DMD: variants seen among roughly 807,000 people sequenced by gnomAD.
DMD encodes dystrophin.
In DMD, 63 loss-of-function variants were observed where a neutral mutation model predicts 330.1. The ratio of observed to expected loss-of-function variants is 0.19; its 90% CI spans 0.16 to 0.24. The LOEUF (loss-of-function observed/expected upper bound fraction) is 0.24, where lower values mean the gene tolerates loss of function less well. Ranked by LOEUF, DMD falls within the 10% of genes least tolerant of loss-of-function variation. The probability of loss-of-function intolerance (pLI) is 1.00; values close to 1 mark genes in which losing one functional copy is unlikely to be tolerated. For synonymous variants in DMD, 1,223 were observed against 959.8 expected (o/e 1.27, Z -5.07); for missense variants, 3,344 against 2,684.1 (o/e 1.25, Z -5.43).
chrX:31,303,184 A>T (rs2054782394), intron 62 of DMD, among the ~76,000 whole-genome samples: 1 of 111,472 alleles, frequency 9.0e-6, no homozygotes, highest in African/African-American at 3.3e-5. Context: ...TCAAAAAGCA[A>T]AACACTTTAA....
At chrX:33,132,794 G>A (rs757420600) in intron 1 of DMD, among the ~76,000 whole-genome samples, 3 of 112,049 alleles carry the variant, frequency 2.7e-5, no homozygotes, top group Non-Finnish European at 5.6e-5. Context: ...ATCTTGGCAC[G>A]TTATGTTATT....
chrX:31,347,290 T>C (rs2058149951), intron 61 of DMD, among the ~76,000 whole-genome samples: 1 of 110,618 alleles, frequency 9.0e-6, no homozygotes, highest in Non-Finnish European at 1.9e-5. Context: ...ATACAACACA[T>C]CGTTGTTAAC....
chrX:31,241,586 C>T (rs1302869339), intron 63 of DMD, among the ~76,000 whole-genome samples: 5 of 111,639 alleles, frequency 4.5e-5, no homozygotes, highest in Non-Finnish European at 9.4e-5. Context: ...TGTCACCACG[C>T]CTTCAAATTT....
chrX:32,536,276 A>AAAAAAAAAAAAAAG (rs2047964924), intron 17 of DMD, among the ~76,000 whole-genome samples: 1 of 107,602 alleles, frequency 9.3e-6, no homozygotes, highest in African/African-American at 3.4e-5. Context: ...AAAAAAAAAA[A>AAAAAAAAAAAAAAG]AAAAAAAAAA....
At chrX:31,798,489 A>G (rs1487819354) in intron 50 of DMD, among the ~76,000 whole-genome samples, 1 of 110,357 alleles carries the variant, frequency 9.1e-6, no homozygotes, top group African/African-American at 3.3e-5. Flanking sequence ...CACAGGGGAA[A>G]TAAAGAGGAA....
intron 1 of DMD, among the ~76,000 whole-genome samples, chrX:33,333,789 T>C (rs1394306984): frequency 9.0e-6 from 1 of 111,517 alleles, no homozygotes; most frequent in Non-Finnish European, 1.9e-5. Context: ...ATTTAGCATG[T>C]CTTATCAATC....
intron 44 of DMD, among the ~76,000 whole-genome samples, chrX:32,182,462 C>T (rs1219110134): frequency 9.0e-6 from 1 of 111,416 alleles, no homozygotes; most frequent in Non-Finnish European, 1.9e-5. Context: ...CATGAACAAA[C>T]TTCAAAAGGA....
chrX:32,192,275 A>T (rs993204111), intron 44 of DMD, among the ~76,000 whole-genome samples: 6 of 111,878 alleles, frequency 5.4e-5, no homozygotes, highest in African/African-American at 1.9e-4. Context: ...ACCACAGGCT[A>T]GGATTCAAAG....
At chrX:31,759,574 CT>C (rs2089409610) in intron 51 of DMD, among the ~76,000 whole-genome samples, 1 of 111,545 alleles carries the variant, frequency 9.0e-6, no homozygotes, top group Non-Finnish European at 1.9e-5. Context: ...AAAGTGAATC[CT>C]TTTTAGAAGA....
chrX:33,120,878 CAAAAAAAA>C (rs1171070469), intron 1 of DMD, among the ~76,000 whole-genome samples: 11 of 36,700 alleles, frequency 3.0e-4, no homozygotes, highest in Admixed American at 1.5e-3. Context: ...ATGACTCTCT[CAAAAAAAA>C]AAAAAAAAAA....
intron 4 of DMD, among the ~76,000 whole-genome samples, chrX:32,838,905 C>G (rs1038736741): frequency 2.7e-5 from 3 of 111,822 alleles, no homozygotes; most frequent in African/African-American, 9.8e-5. Flanking sequence ...TACCATTTGA[C>G]CCAGCAATCC....
chrX:32,415,753 G>C (rs1457300577), intron 29 of DMD, among the ~76,000 whole-genome samples: 2 of 111,635 alleles, frequency 1.8e-5, no homozygotes, highest in African/African-American at 3.3e-5. Flanking sequence ...AATAACTGGC[G>C]ATCAATGACA....
At chrX:31,772,628 T>A (rs1278569164) in intron 51 of DMD, among the ~76,000 whole-genome samples, 1 of 111,150 alleles carries the variant, frequency 9.0e-6, no homozygotes, top group African/African-American at 3.3e-5. Context: ...AGTACATATA[T>A]TACTTGCTAC....
At chrX:31,131,424 G>T (rs192247317) in intron 77 of DMD, among the ~76,000 whole-genome samples, 39 of 111,676 alleles carry the variant, frequency 3.5e-4, no homozygotes, top group African/African-American at 1.2e-3. Flanking sequence ...TGTACATATG[G>T]TGGGTGTATA....
At chrX:33,094,614 C>G (rs1793168161) in intron 1 of DMD, among the ~76,000 whole-genome samples, 1 of 110,762 alleles carries the variant, frequency 9.0e-6, no homozygotes, top group Admixed American at 9.6e-5. Context: ...CAAGACCAGC[C>G]TGGCCAACAT....
At chrX:31,722,181 T>C (rs1325615313) in intron 52 of DMD, among the ~76,000 whole-genome samples, 2 of 110,735 alleles carry the variant, frequency 1.8e-5, no homozygotes, top group Non-Finnish European at 3.8e-5. Flanking sequence ...TGCAATGGCG[T>C]GATCTCGGCT....
At chrX:31,468,379 T>C (rs754907507) in intron 59 of DMD, among the ~76,000 whole-genome samples, 4 of 112,406 alleles carry the variant, frequency 3.6e-5, no homozygotes, top group South Asian at 3.7e-4. Context: ...TTTATTCTCA[T>C]TGGTTTGAAA....
chrX:33,034,346 T>C (rs1042698556), intron 1 of DMD, among the ~76,000 whole-genome samples: 1 of 111,803 alleles, frequency 8.9e-6, no homozygotes, highest in Non-Finnish European at 1.9e-5. Flanking sequence ...ATGGCTTTCC[T>C]GAATTACAGT....
At chrX:32,498,958 C>T (rs924986371) in intron 19 of DMD, among the ~76,000 whole-genome samples, 23 of 111,521 alleles carry the variant, frequency 2.1e-4, no homozygotes, top group African/African-American at 7.5e-4. Context: ...CAACAAATTG[C>T]CTTCAGGACA....
Sources: allele counts gnomAD v4.1 joint callset (sites outside exome capture counted in the v4.1 genomes callset), GRCh38; gene constraint gnomAD v4.1.1; transcripts MANE v1.5; gene names NCBI Gene and HGNC (gene_info 2026-07-23, HGNC 2026-07-21).